KIDINS220: variants seen among roughly 807,000 people sequenced by gnomAD.
The protein encoded by KIDINS220 is kinase D interacting substrate 220.
In KIDINS220, 63 loss-of-function variants were observed where a neutral mutation model predicts 157.6. The observed-to-expected ratio is 0.40, with a 90% CI of 0.33 to 0.49. KIDINS220 has a LOEUF of 0.49. Among genes scored for constraint, KIDINS220 ranks in the 20% least tolerant of loss-of-function variants. The pLI, the probability that KIDINS220 is intolerant of heterozygous loss-of-function variation, is 0.66. For synonymous variants in KIDINS220, 732 were observed against 783.6 expected, an observed-to-expected ratio of 0.93 and a Z score of 1.10; for missense variants, 1,772 against 2,171.2, an observed-to-expected ratio of 0.82 and a Z score of 3.65.
chr2:8,771,947 C>G (rs948032389), intron 21 of KIDINS220, among the ~76,000 whole-genome samples: 1 of 151,574 alleles, frequency 6.6e-6, no homozygotes, highest in African/African-American at 2.4e-5. Flanking sequence ...GGAAGATTTC[C>G]TTAAGAATAT....
chr2:8,733,549 G>C lies in KIDINS220; in HGVS notation c.3948C>G (p.Thr1316=). Residue 1316 remains threonine (T), a synonymous_variant, in exon 29 of 30, where the codon ACC becomes ACG. Transcript: ENST00000256707. ...RRASHNELPH[T]ELSSQTPYTL... ...TGTAGGGCGTCTGGCTGGAGAGCTC[G>C]GTGTGAGGCAGCTCGTTGTGGGAAG... 1 of 1,614,100 alleles carries C rather than the reference G, an allele frequency of 6.2e-7. No individual in the cohort carries two copies. Among genetic ancestry groups the C allele is most frequent in the Non-Finnish European group, 8.5e-7 (1 of 1,180,026 alleles).
At chr2:8,782,451 A>T (rs1310440865) in intron 17 of KIDINS220, among the ~76,000 whole-genome samples, 1 of 152,230 alleles carries the variant, frequency 6.6e-6, no homozygotes, top group African/African-American at 2.4e-5. Context: ...AACTTAGATA[A>T]ACAGACCAGT....
At chr2:8,783,543 T>G (rs1671986358) in intron 17 of KIDINS220, among the ~76,000 whole-genome samples, 1 of 152,108 alleles carries the variant, frequency 6.6e-6, no homozygotes, top group African/African-American at 2.4e-5. Context: ...AAAACTGTCT[T>G]AGTTCACAGA....
At chr2:8,834,186 G>GGCCTAAGTGGTCC (rs955449175) in intron 1 of KIDINS220, among the ~76,000 whole-genome samples, 6 of 152,216 alleles carry the variant, frequency 3.9e-5, no homozygotes, top group Admixed American at 3.3e-4. Flanking sequence ...TCCACACAGA[G>GGCCTAAGTGGTCC]GCCTAAGTGG....
rs777282936 is a variant in KIDINS220 at position 8,750,088 on chromosome 2, T to C, written c.3414+24A>G. ...TTTCCCTGTAACAAATTCTTAAAAATAAAGCTGCCTCCAACTTCCTTACCC... is the reference window on the plus strand; with the variant it reads ...TTTCCCTGTAACAAATTCTTAAAAACAAAGCTGCCTCCAACTTCCTTACCC... On this transcript the variant is annotated intron_variant, in intron 24 of 29. Transcript: ENST00000256707. 2.5e-6 allele frequency: 4 copies of C among 1,589,996 alleles called. No homozygotes were observed. The African/African-American group carries it at 5.4e-5, about 21-fold the overall frequency.
intron 22 of KIDINS220, among the ~76,000 whole-genome samples, chr2:8,764,451 T>C (rs1669180182): frequency 6.6e-6 from 1 of 152,126 alleles, no homozygotes. Flanking sequence ...CATAAATGGA[T>C]TATGAATGTA....
chr2:8,801,680 G>C (rs1344885779), intron 8 of KIDINS220, among the ~76,000 whole-genome samples: 1 of 152,210 alleles, frequency 6.6e-6, no homozygotes, highest in African/African-American at 2.4e-5. Context: ...CAAGGCAGGA[G>C]AAATCACTTG....
At chr2:8,824,207 A>C (rs1051553406) in intron 2 of KIDINS220, among the ~76,000 whole-genome samples, 2 of 152,352 alleles carry the variant, frequency 1.3e-5, no homozygotes, top group African/African-American at 4.8e-5. Context: ...TATTCAATAA[A>C]AACATTAGCT....
chr2:8,818,257 A>G (rs920861939), intron 3 of KIDINS220, among the ~76,000 whole-genome samples: 1 of 152,210 alleles, frequency 6.6e-6, no homozygotes, highest in Non-Finnish European at 1.5e-5. Context: ...AAGCAATTCC[A>G]AAAATACAGG....
chr2:8,808,396 A>G (rs1572743316), intron 6 of KIDINS220, among the ~76,000 whole-genome samples: 1 of 152,126 alleles, frequency 6.6e-6, no homozygotes, highest in African/African-American at 2.4e-5. Flanking sequence ...ATTGTATTGG[A>G]TTTCTGCCCT....
intron 13 of KIDINS220, 80 bp downstream of exon 13, chr2:8,790,980 G>C: frequency 1.5e-6 from 2 of 1,332,922 alleles, no homozygotes; most frequent in South Asian, 2.9e-5. Context: ...ACAGAAAGTG[G>C]TCTTCCTCTT....
chr2:8,773,800 C>T (rs1022833811), intron 21 of KIDINS220, among the ~76,000 whole-genome samples: 20 of 152,142 alleles, frequency 1.3e-4, no homozygotes, highest in Non-Finnish European at 2.9e-5. Context: ...ATACTTCCCA[C>T]TATTCTCTTT....
At chr2:8,809,019 T>C (rs1675907662) in intron 6 of KIDINS220, among the ~76,000 whole-genome samples, 1 of 9,894 alleles carries the variant, frequency 1.0e-4, no homozygotes, top group Non-Finnish European at 3.2e-4. Context: ...GTTTGTTTGT[T>C]TGTTTGTTTT....
rs181718658 is a variant in KIDINS220, at chr2:8,729,638, T to A, written c.*1082A>T. The A allele has an allele frequency of 7.6e-4, 748 of 981,956 alleles. 6 individuals are homozygous for A. The East Asian group carries it at 0.011, about 14-fold the overall frequency. The allele number at this position is 981,956 out of a possible 1,614,324, so 60.8% of individuals were successfully genotyped here. A position where few individuals can be genotyped will look rare whatever the true frequency, so the allele number is the denominator to read the frequency against. ...TGTTACATGTTTCCAAATTTTTTTTTAAAAAGTATTTCCTTTCTTATGATC... is the reference window on the plus strand; with the variant it reads ...TGTTACATGTTTCCAAATTTTTTTTAAAAAAGTATTTCCTTTCTTATGATC... On this transcript the variant is annotated 3_prime_UTR_variant, in exon 30 of 30. Coordinates refer to ENST00000256707, the MANE Select transcript of KIDINS220 (RefSeq NM_020738.4).
intron 15 of KIDINS220, among the ~76,000 whole-genome samples, chr2:8,788,409 C>T (rs996110660): frequency 6.6e-6 from 1 of 152,036 alleles, no homozygotes; most frequent in Non-Finnish European, 1.5e-5. Context: ...GCTAGGACTA[C>T]AGGCATGCGC....
chr2:8,737,039 T>C (rs1345537424), intron 26 of KIDINS220, 40 bp from the exon 27 acceptor site: 1 of 1,605,274 alleles, frequency 6.2e-7, no homozygotes, highest in South Asian at 1.1e-5. Context: ...GAATAAGCAT[T>C]TAATGCCATC....
At position 8,788,711 on chromosome 2, in the gene KIDINS220, G is replaced by A. The variant is rs1572662711; in HGVS notation, c.1723C>T (p.Leu575Phe). 2 of 1,614,050 alleles carry A rather than the reference G, an allele frequency of 1.2e-6. No individual in the cohort carries two copies. Among genetic ancestry groups the A allele is most frequent in the East Asian group, 2.2e-5 (1 of 44,888 alleles). Residue 575 changes from leucine (L) to phenylalanine (F), a missense_variant, in exon 15 of 30, where the codon CTT (leucine) becomes TTT (phenylalanine). By Grantham distance (22) the Leu-to-Phe change is conservative (BLOSUM62 0). Around this residue, in one of 3 missense-constraint regions of KIDINS220, gnomAD observed 725 missense variants for 1,017.1 expected, o/e 0.71. Coordinates refer to ENST00000256707, the MANE Select transcript of KIDINS220 (RefSeq NM_020738.4). ...GGTGGATTCACAAACATCAATTTAA[G>A]GAGGAGTTCCAAATATCCAATATGT... Reference protein sequence around the residue: ...ARHIGYLELLLKLMFVNPPEL... With the variant: ...ARHIGYLELLFKLMFVNPPEL...
chr2:8,786,233 G>A lies in KIDINS220; in HGVS notation c.1912C>T (p.Arg638Ter), dbSNP rs774050541. 5 of 1,613,986 alleles carry A rather than the reference G, an allele frequency of 3.1e-6. No individual in the cohort carries two copies. The highest frequency in any genetic ancestry group is 4.2e-6 in the Non-Finnish European group (5 of 1,179,980). The change falls in exon 16 of 30, where the codon CGA (arginine) becomes TGA (stop). Residue 638 changes from arginine (R) to a stop codon, truncating the protein, a stop_gained. Transcript: ENST00000256707. LOFTEE classifies it high-confidence loss of function. ...EFGFLATRLF[R>*]VFKTEDTQGK... ...TGAGTATCTTCAGTCTTGAATACTC[G>A]AAAAAGCCTGGTTGCCAAAAAGCCA...
Position 8,817,676 on chromosome 2 carries a change from T to A in KIDINS220, c.248A>T (p.His83Leu). ...TALISASKEGHVHIVEELLKC... is the reference protein window; with the variant it reads ...TALISASKEGLVHIVEELLKC... ...CAGTAGTTCCTCTACGATGTGCACA[T>A]GCCCTTCTTTCGATGCAGATATAAG... The change falls in exon 4 of 30, where the codon CAT (histidine) becomes CTT (leucine). Residue 83 changes from histidine (H) to leucine (L), a missense_variant. Physicochemically the swap from His to Leu is moderately conservative, Grantham distance 99 (BLOSUM62 -3). Transcript: ENST00000256707. 6.2e-7 allele frequency: 1 copy of A among 1,608,250 alleles called. No homozygotes were observed. The highest frequency in any genetic ancestry group is 8.5e-7 in the Non-Finnish European group (1 of 1,176,768).
Sources: gnomAD v4.1 joint callset for allele counts (sites outside exome capture counted in the v4.1 genomes callset) on GRCh38, gnomAD v4.1.1 for gene constraint, gnomAD v4.1.1 regional missense constraint, MANE v1.5 for transcripts, NCBI Gene and HGNC (gene_info 2026-07-23, HGNC 2026-07-21) for gene names.